ARHGAP26: variants seen among roughly 807,000 people sequenced by gnomAD.
ARHGAP26 encodes Rho GTPase activating protein 26.
A neutral mutation model predicts 104.8 loss-of-function variants in ARHGAP26; 38 were observed. The ratio of observed to expected loss-of-function variants is 0.36; its 90% confidence interval spans 0.28 to 0.48. The LOEUF (loss-of-function observed/expected upper bound fraction) is 0.48. ARHGAP26 is among the 20% of genes least tolerant of loss of function. The pLI is 0.99. For synonymous variants in ARHGAP26, 341 were observed against 340.0 expected (o/e 1.00, Z -0.03); for missense variants, 704 against 947.9 (o/e 0.74, Z 3.38).
chr5:143,154,060 C>A (rs1659194), intron 20 of ARHGAP26, among the ~76,000 whole-genome samples: 88,159 of 151,410 alleles, frequency 0.58, 25,899 homozygotes, highest in Middle Eastern at 0.76. Flanking sequence ...ACTAATCTTC[C>A]ACTTTAGTTG....
intron 1 of ARHGAP26, among the ~76,000 whole-genome samples, chr5:142,813,596 G>T (rs1764544015): frequency 1.3e-5 from 2 of 152,202 alleles, no homozygotes; most frequent in African/African-American, 4.8e-5. Context: ...CAAGGTTTTG[G>T]CAGGGCTGTT....
intron 1 of ARHGAP26, among the ~76,000 whole-genome samples, chr5:142,808,236 GAAAAAAAAAAAAAAAAAAA>G (rs58550799): frequency 0.026 from 842 of 32,658 alleles, 20 homozygotes; most frequent in African/African-American, 0.067. Context: ...CATTGTCTCG[GAAAAAAAAAAAAAAAAAAA>G]AAAAAAAAAA....
At chr5:142,795,671 C>G (rs1760841894) in intron 1 of ARHGAP26, among the ~76,000 whole-genome samples, 1 of 152,202 alleles carries the variant, frequency 6.6e-6, no homozygotes, top group South Asian at 2.1e-4. Flanking sequence ...TATCGCCTAT[C>G]AAGGCCTCTT....
At chr5:143,040,385 T>C (rs1222674882) in intron 13 of ARHGAP26, among the ~76,000 whole-genome samples, 1 of 152,002 alleles carries the variant, frequency 6.6e-6, no homozygotes, top group Non-Finnish European at 1.5e-5. Context: ...ATTGGTCCTT[T>C]CCTGAGTTTC....
chr5:142,828,328 C>T (rs566643096), intron 1 of ARHGAP26, among the ~76,000 whole-genome samples: 5 of 152,290 alleles, frequency 3.3e-5, no homozygotes, highest in African/African-American at 1.2e-4. Flanking sequence ...CACTTTTACC[C>T]GTGCAGTTTC....
chr5:142,982,831 G>C (rs926215609), intron 11 of ARHGAP26, among the ~76,000 whole-genome samples: 3 of 152,186 alleles, frequency 2.0e-5, no homozygotes, highest in Non-Finnish European at 2.9e-5. Flanking sequence ...GAGGCCCTGG[G>C]ATCTTCAGTC....
intron 1 of ARHGAP26, among the ~76,000 whole-genome samples, chr5:142,837,233 G>A (rs771568396): frequency 1.3e-5 from 2 of 152,244 alleles, no homozygotes; most frequent in East Asian, 1.9e-4. Flanking sequence ...AAGGGTAGAC[G>A]TCATGAGAAA....
chr5:143,001,365 GAT>G (rs1257673313), intron 11 of ARHGAP26, among the ~76,000 whole-genome samples: 1 of 152,168 alleles, frequency 6.6e-6, no homozygotes. Flanking sequence ...AACTTTAGAT[GAT>G]ATGTGTTCTG....
chr5:142,995,147 A>G (rs561434316), intron 11 of ARHGAP26, among the ~76,000 whole-genome samples: 1 of 152,372 alleles, frequency 6.6e-6, no homozygotes, highest in East Asian at 1.9e-4. Flanking sequence ...ATTGCAACAA[A>G]AAGCAAAATT....
chr5:143,071,214 G>T (rs916187460), intron 17 of ARHGAP26, among the ~76,000 whole-genome samples: 1 of 146,174 alleles, frequency 6.8e-6, no homozygotes, highest in African/African-American at 2.5e-5. Flanking sequence ...CACACTACCT[G>T]ACCTCAAAAT....
chr5:142,958,044 A>G (rs1769547393), intron 11 of ARHGAP26, among the ~76,000 whole-genome samples: 1 of 152,214 alleles, frequency 6.6e-6, no homozygotes, highest in African/African-American at 2.4e-5. Context: ...AACATTTGAA[A>G]AAACTGAAAG....
At chr5:143,054,381 C>A in intron 14 of ARHGAP26, 58 bp from the exon 15 acceptor site, 1 of 1,240,750 alleles carries the variant, frequency 8.1e-7, no homozygotes, top group Non-Finnish European at 1.1e-6. Context: ...TTTATGTGTG[C>A]TTATTTATTA....
At chr5:143,084,937 C>T (rs1790342477) in intron 17 of ARHGAP26, among the ~76,000 whole-genome samples, 1 of 149,144 alleles carries the variant, frequency 6.7e-6, no homozygotes, top group Non-Finnish European at 1.5e-5. Context: ...CCCAGCTACT[C>T]AGGATGCTGA....
intron 20 of ARHGAP26, among the ~76,000 whole-genome samples, chr5:143,203,897 A>G (rs996660125): frequency 6.6e-6 from 1 of 151,918 alleles, no homozygotes; most frequent in African/African-American, 2.4e-5. Context: ...GGAGGGGAAC[A>G]TCACACACCG....
At chr5:143,191,721 C>T (rs1805948116) in intron 20 of ARHGAP26, among the ~76,000 whole-genome samples, 1 of 152,192 alleles carries the variant, frequency 6.6e-6, no homozygotes, top group South Asian at 2.1e-4. Context: ...TAGCCAGGAG[C>T]AAGAACAATG....
Position 143,004,017 on chromosome 5 carries a change from CA to C in ARHGAP26, c.1108-10042del, listed in dbSNP as rs144058530. ...CTCGTGGTCAGAACAAATTTATAGA[CA>C]AAAAAAAAAAAAAAAAAAAAGGAAA... On this transcript the variant is annotated intron_variant, in intron 11 of 22. Coordinates refer to ENST00000645722, the MANE Select transcript of ARHGAP26 (RefSeq NM_001135608.3). 6.0e-3 allele frequency among the ~76,000 whole-genome samples: 712 copies of C among 118,050 alleles called. 10 individuals are homozygous for C. Among genetic ancestry groups the C allele is most frequent in the African/African-American group, 0.024 (646 of 27,256 alleles). 77.4% of individuals were successfully genotyped at this position (118,050 alleles called of 152,430 possible).
chr5:143,123,808 A>C (rs1456785165), intron 18 of ARHGAP26, among the ~76,000 whole-genome samples: 2 of 152,198 alleles, frequency 1.3e-5, no homozygotes, highest in Non-Finnish European at 2.9e-5. Context: ...GTGAGCTATG[A>C]TTGCACCACT....
chr5:142,867,607 G>A (rs745875462), intron 1 of ARHGAP26, among the ~76,000 whole-genome samples: 5 of 152,036 alleles, frequency 3.3e-5, no homozygotes, highest in Non-Finnish European at 7.4e-5. Flanking sequence ...GCTTGTGCTG[G>A]GGCTAAGAGA....
intron 1 of ARHGAP26, chr5:142,866,955 T>G (rs1754394598): frequency 6.6e-6 from 1 of 152,202 alleles, no homozygotes; most frequent in Admixed American, 6.5e-5. Context: ...TGTCTCAGGC[T>G]TGACTTGCTG....
Sources: allele counts gnomAD v4.1 joint callset (sites outside exome capture counted in the v4.1 genomes callset), GRCh38; gene constraint gnomAD v4.1.1; transcripts MANE v1.5; gene names NCBI Gene and HGNC (gene_info 2026-07-23, HGNC 2026-07-21).